Variants in TMEM45A observed in about 807,000 individuals in gnomAD.
The protein encoded by TMEM45A is DNA polymerase-transactivated protein 4.
TMEM45A carries 25 observed loss-of-function variants against 32.0 expected under a neutral mutation model. The ratio of observed to expected loss-of-function variants is 0.78; its 90% CI spans 0.57 to 1.09. The LOEUF (loss-of-function observed/expected upper bound fraction) is 1.09, where lower values mean the gene tolerates loss of function less well. TMEM45A is among the 50% of genes least tolerant of loss of function. The pLI is 0.00. For missense variants in TMEM45A, 302 were observed against 325.0 expected, an observed-to-expected ratio of 0.93 and a Z score of 0.54; for synonymous variants, 122 against 114.8, an observed-to-expected ratio of 1.06 and a Z score of -0.40.
intron 1 of TMEM45A, among the ~76,000 whole-genome samples, chr3:100,554,706 T>C (rs1706177982): frequency 6.6e-6 from 1 of 152,248 alleles, no homozygotes; most frequent in African/African-American, 2.4e-5. Flanking sequence ...TTTCAAGTTT[T>C]AAACATAAAG....
chr3:100,525,833 A>G (rs6780654), intron 1 of TMEM45A, among the ~76,000 whole-genome samples: 48,688 of 152,012 alleles, frequency 0.32, 9,869 homozygotes, highest in African/African-American at 0.54. Context: ...GCTCTAGGCT[A>G]CAGGGATGCG....
At chr3:100,547,565 T>C (rs745397100) in intron 1 of TMEM45A, among the ~76,000 whole-genome samples, 12 of 151,892 alleles carry the variant, frequency 7.9e-5, no homozygotes, top group Non-Finnish European at 1.5e-4. Flanking sequence ...TTATGTTGAA[T>C]AGGCTGAGGA....
chr3:100,540,781 G>A lies in TMEM45A; in HGVS notation c.-3-14428G>A, dbSNP rs891149880. 2.0e-5 allele frequency among the ~76,000 whole-genome samples: 3 copies of A among 152,126 alleles called. 1 individual carries two copies. The highest frequency in any genetic ancestry group is 4.4e-5 in the Non-Finnish European group (3 of 68,012). On this transcript the variant is annotated intron_variant, in intron 1 of 5. Coordinates refer to ENST00000323523, the MANE Select transcript of TMEM45A (RefSeq NM_018004.3). ...AGCAGCTTTATTCACAATTGTCAACGATGCACAAATATATCCTTCCATATG... is the reference window on the plus strand; with the variant it reads ...AGCAGCTTTATTCACAATTGTCAACAATGCACAAATATATCCTTCCATATG...
chr3:100,500,711 G>C (rs896451324), intron 1 of TMEM45A, among the ~76,000 whole-genome samples: 2 of 152,218 alleles, frequency 1.3e-5, no homozygotes, highest in African/African-American at 4.8e-5. Flanking sequence ...AACAGGTCCA[G>C]AGGCAAATGA....
chr3:100,497,225 C>T (rs142029532), intron 1 of TMEM45A, among the ~76,000 whole-genome samples: 2 of 152,152 alleles, frequency 1.3e-5, no homozygotes, highest in Non-Finnish European at 2.9e-5. Flanking sequence ...AATTCCAGAT[C>T]TGATTCTTAC....
chr3:100,549,047 A>G (rs1383754851), intron 1 of TMEM45A, among the ~76,000 whole-genome samples: 3 of 152,166 alleles, frequency 2.0e-5, no homozygotes, highest in African/African-American at 4.8e-5. Flanking sequence ...CAGGAGTTCG[A>G]GACCAGCCTG....
At chr3:100,567,307 A>G (rs987557432) in intron 4 of TMEM45A, among the ~76,000 whole-genome samples, 13 of 152,004 alleles carry the variant, frequency 8.6e-5, no homozygotes, top group Admixed American at 2.0e-4. Context: ...TCAAAAACCA[A>G]TTGACCTCAG....
At chr3:100,502,766 T>C (rs1246975137) in intron 1 of TMEM45A, among the ~76,000 whole-genome samples, 1 of 152,188 alleles carries the variant, frequency 6.6e-6, no homozygotes, top group Non-Finnish European at 1.5e-5. Context: ...CCACTGGACC[T>C]GGTCTAAATA....
intron 1 of TMEM45A, among the ~76,000 whole-genome samples, chr3:100,543,332 G>A (rs1294743823): frequency 3.3e-5 from 5 of 152,036 alleles, no homozygotes; most frequent in Admixed American, 6.6e-5. Flanking sequence ...ATATACAAGA[G>A]AGCATGTATA....
In TMEM45A at chr3:100,575,122, G is replaced by A. The variant is rs1252315656; in HGVS notation, c.735-1803G>A. On this transcript the variant is annotated intron_variant, in intron 5 of 5. Transcript: ENST00000323523. ...TTGTGAAGAGTGATATTGGTGATTT[G>A]GCTTATCAAATTTGTTTGCATATTC... 2.0e-5 allele frequency among the ~76,000 whole-genome samples: 3 copies of A among 152,096 alleles called. No individual in the cohort carries two copies. The East Asian group carries it at 5.8e-4, about 29-fold the overall frequency.
chr3:100,506,666 C>A (rs1253945262), intron 1 of TMEM45A, among the ~76,000 whole-genome samples: 8 of 152,210 alleles, frequency 5.3e-5, no homozygotes, highest in Non-Finnish European at 7.3e-5. Flanking sequence ...ACACCTTCAA[C>A]CTTGCCATTG....
intron 1 of TMEM45A, among the ~76,000 whole-genome samples, chr3:100,554,000 A>G (rs1706161173): frequency 6.6e-6 from 1 of 152,226 alleles, no homozygotes; most frequent in African/African-American, 2.4e-5. Flanking sequence ...ACCTAGAGAT[A>G]AAATAAATCT....
chr3:100,510,762 A>G (rs1459100814), intron 1 of TMEM45A, among the ~76,000 whole-genome samples: 5 of 152,120 alleles, frequency 3.3e-5, no homozygotes, highest in Admixed American at 6.5e-5. Flanking sequence ...AATAACCAAT[A>G]CAGAGAAGTG....
chr3:100,549,264 C>A (rs1459700372), intron 1 of TMEM45A, among the ~76,000 whole-genome samples: 1 of 150,996 alleles, frequency 6.6e-6, no homozygotes, highest in Non-Finnish European at 1.5e-5. Context: ...AACAAAAAAA[C>A]AAAAAAACAA....
intron 1 of TMEM45A, among the ~76,000 whole-genome samples, chr3:100,520,618 A>G (rs1325868644): frequency 6.6e-6 from 1 of 152,108 alleles, no homozygotes; most frequent in African/African-American, 2.4e-5. Context: ...CGCCCCACAC[A>G]AACCTCTGAC....
intron 1 of TMEM45A, among the ~76,000 whole-genome samples, chr3:100,529,124 C>G (rs1040552765): frequency 6.6e-6 from 1 of 152,150 alleles, no homozygotes; most frequent in African/African-American, 2.4e-5. Context: ...TCCTTTCCCC[C>G]ATAAGACCTC....
rs1388994534 is a variant in TMEM45A, at chr3:100,555,200, T to C, written c.-3-9T>C. ...GTCTTTTACTTTCTGTGTGTTCTTA[T>C]ATTTGTAGATCATGGGGAATTTCAG... On this transcript the variant is annotated splice_polypyrimidine_tract_variant and intron_variant, in intron 1 of 5. Transcript: ENST00000323523. 21 of 1,585,394 alleles carry C rather than the reference T, an allele frequency of 1.3e-5. No homozygotes were observed. Among genetic ancestry groups the C allele is most frequent in the Non-Finnish European group, 1.7e-5 (20 of 1,167,138 alleles).
chr3:100,576,784 C>T (rs1280569878), intron 5 of TMEM45A, 141 bp from the exon 6 acceptor site: 7 of 695,964 alleles, frequency 1.0e-5, no homozygotes, highest in Admixed American at 2.9e-5. Flanking sequence ...AGCTCCAAAG[C>T]CAAATAAAAG....
intron 1 of TMEM45A, among the ~76,000 whole-genome samples, chr3:100,542,029 A>T (rs1011242930): frequency 6.6e-6 from 1 of 152,050 alleles, no homozygotes; most frequent in African/African-American, 2.4e-5. Context: ...TTATACTAGC[A>T]TATGCTGTTT....
Sources: allele counts gnomAD v4.1 joint callset (sites outside exome capture counted in the v4.1 genomes callset), GRCh38; gene constraint gnomAD v4.1.1; transcripts MANE v1.5; gene names NCBI Gene and HGNC (gene_info 2026-07-23, HGNC 2026-07-21).